Variants in NCAPG2 observed in about 807,000 individuals in gnomAD.
NCAPG2 encodes the protein condensin-2 complex subunit G2.
NCAPG2 carries 53 observed loss-of-function variants against 141.1 expected under a neutral mutation model. The ratio of observed to expected loss-of-function variants is 0.38; its 90% CI spans 0.30 to 0.47. NCAPG2 has a LOEUF of 0.47. NCAPG2 is among the 20% of genes least tolerant of loss of function. NCAPG2 has a pLI of 0.99. For synonymous variants in NCAPG2, 499 were observed against 490.7 expected (o/e 1.02, Z -0.22); for missense variants, 1,087 against 1,389.0 (o/e 0.78, Z 3.46).
chr7:158,671,388 CAG>C, intron 13 of NCAPG2, 124 bp downstream of exon 13: 1 of 1,161,722 alleles, frequency 8.6e-7, no homozygotes, highest in South Asian at 1.4e-5. Context: ...ACATTTTTGA[CAG>C]AGATAACTGG....
chr7:158,665,273 C>T (rs938296606), intron 13 of NCAPG2: 1 of 157,248 alleles, frequency 6.4e-6, no homozygotes, highest in African/African-American at 2.4e-5. Flanking sequence ...ACAGCCTAGT[C>T]TCATCTCCCC....
intron 13 of NCAPG2, among the ~76,000 whole-genome samples, chr7:158,670,427 A>G (rs1833612775): frequency 6.6e-6 from 1 of 152,064 alleles, no homozygotes; most frequent in Non-Finnish European, 1.5e-5. Flanking sequence ...TCAGCCAGAC[A>G]TGGTGGCACA....
intron 17 of NCAPG2, among the ~76,000 whole-genome samples, chr7:158,657,186 CA>C: frequency 6.6e-6 from 1 of 152,178 alleles, no homozygotes. Flanking sequence ...TTTGAAAACA[CA>C]AAGAGAAACA....
At position 158,636,097 on chromosome 7, in the gene NCAPG2, T is replaced by C. The variant is rs576695054; in HGVS notation, c.3381-4380A>G. ...TTCCTTCTTAAAGGGAGGAGCTCTTTTTTTCATCTGTGTATCATCTTAGTA... is the reference window on the plus strand; with the variant it reads ...TTCCTTCTTAAAGGGAGGAGCTCTTCTTTTCATCTGTGTATCATCTTAGTA... On this transcript the variant is annotated intron_variant, in intron 27 of 27. Transcript: ENST00000356309. Among the ~76,000 whole-genome samples, 154 of 152,312 alleles carry C rather than the reference T, an allele frequency of 1.0e-3. 1 individual carries two copies. Among genetic ancestry groups the C allele is most frequent in the South Asian group, 1.9e-3 (9 of 4,826 alleles).
Position 158,692,854 on chromosome 7 carries a change from T to C in NCAPG2, c.370A>G (p.Ile124Val), listed in dbSNP as rs1251820653. ...AAAATCAACTCACCATTTAATATAA[T>C]AACACATTCCAGTAGGGCTTCGTAG... ...ENYEALLECV[I>V]ILNGILYALP... is the part of the protein sequence containing the mutation. Residue 124 changes from isoleucine to valine, a missense_variant, in exon 4 of 28, where the codon ATT becomes GTT. Physicochemically the swap from Ile to Val is conservative, Grantham distance 29 (BLOSUM62 3). Coordinates refer to ENST00000356309, the MANE Select transcript of NCAPG2 (RefSeq NM_017760.7). The C allele has an allele frequency of 2.6e-6, 4 of 1,553,412 alleles. No homozygotes were observed. The South Asian group carries it at 4.6e-5, about 18-fold the overall frequency.
At chr7:158,643,144 A>T (rs1353729060) in intron 27 of NCAPG2, among the ~76,000 whole-genome samples, 1 of 152,088 alleles carries the variant, frequency 6.6e-6, no homozygotes, top group African/African-American at 2.4e-5. Flanking sequence ...TGTAATTTTT[A>T]ATAGAGACAG....
chr7:158,645,984 A>C (rs1830985657), intron 25 of NCAPG2, among the ~76,000 whole-genome samples: 1 of 152,230 alleles, frequency 6.6e-6, no homozygotes, highest in Non-Finnish European at 1.5e-5. Context: ...CAGGTACCAG[A>C]CATCTGCAAA....
At chr7:158,657,763 T>C (rs1389453363) in intron 17 of NCAPG2, among the ~76,000 whole-genome samples, 1 of 152,118 alleles carries the variant, frequency 6.6e-6, no homozygotes, top group Non-Finnish European at 1.5e-5. Flanking sequence ...CGTGTCTCTG[T>C]AGAAAGAAGT....
chr7:158,680,135 G>C, intron 10 of NCAPG2, 50 bp from the exon 11 acceptor site: 1 of 1,575,316 alleles, frequency 6.3e-7, no homozygotes, highest in Middle Eastern at 1.8e-4. Context: ...GTTAACATAC[G>C]AAGGCTTAAG....
intron 13 of NCAPG2, chr7:158,668,303 C>G (rs1241154808): frequency 1.1e-6 from 1 of 930,042 alleles, no homozygotes; most frequent in Non-Finnish European, 1.3e-6. Flanking sequence ...TAGGCCCTCC[C>G]TTACCCACTA....
In NCAPG2 at chr7:158,653,387, A is replaced by AATAATAAT. The variant is rs5888766; in HGVS notation, c.2747-908_2747-907insATTATTAT. ...CTCAAAAAAAAAAAAATAAAAAAAA[A>AATAATAAT]AATAATAATAATAATTAAACAAAAA... On this transcript the variant is annotated intron_variant, in intron 22 of 27. Transcript: ENST00000356309. Among the ~76,000 whole-genome samples the AATAATAAT allele has an allele frequency of 8.0e-3, 1,171 of 146,134 alleles. 10 individuals are homozygous for AATAATAAT. Among genetic ancestry groups the AATAATAAT allele is most frequent in the African/African-American group, 0.027 (1,093 of 40,024 alleles).
chr7:158,667,750 TCC>T (rs1254168171), intron 13 of NCAPG2, among the ~76,000 whole-genome samples: 1 of 47,564 alleles, frequency 2.1e-5, no homozygotes. Flanking sequence ...CCCTCCGCCC[TCC>T]CTTACCCACT....
chr7:158,669,134 T>C (rs1225749164), intron 13 of NCAPG2, among the ~76,000 whole-genome samples: 2 of 152,230 alleles, frequency 1.3e-5, no homozygotes, highest in Non-Finnish European at 2.9e-5. Flanking sequence ...TATTCCATAG[T>C]ATATATGTAC....
At chr7:158,675,413 T>A in intron 12 of NCAPG2, 64 bp downstream of exon 12, 2 of 1,379,994 alleles carry the variant, frequency 1.4e-6, no homozygotes, top group Non-Finnish European at 1.9e-6. Flanking sequence ...ATCTTTTTCT[T>A]TTCCTGTTTT....
At chr7:158,659,135 G>A (rs1832268294) in intron 16 of NCAPG2, among the ~76,000 whole-genome samples, 1 of 151,204 alleles carries the variant, frequency 6.6e-6, no homozygotes, top group South Asian at 2.1e-4. Context: ...TTCGAGAGCA[G>A]CCTGATCAAC....
intron 17 of NCAPG2, 146 bp from the exon 18 acceptor site, chr7:158,656,851 G>A: frequency 1.0e-6 from 1 of 980,606 alleles, no homozygotes; most frequent in South Asian, 1.7e-5. Context: ...CTCCAATGCA[G>A]GAATAAATAC....
chr7:158,649,078 G>A (rs1831286312), intron 24 of NCAPG2, among the ~76,000 whole-genome samples: 1 of 152,220 alleles, frequency 6.6e-6, no homozygotes, highest in African/African-American at 2.4e-5. Context: ...CAAACACAAA[G>A]CACAAGAAAG....
chr7:158,631,776 G>A (rs1829906213), intron 27 of NCAPG2, 59 bp from the exon 28 acceptor site: 7 of 1,327,564 alleles, frequency 5.3e-6, no homozygotes, highest in South Asian at 1.2e-5. Context: ...TTATCCAAAT[G>A]TACATTTTCA....
Position 158,664,197 on chromosome 7 carries a change from T to C in NCAPG2, c.1802A>G (p.Lys601Arg), listed in dbSNP as rs182340669. 23 of 1,609,626 alleles carry C rather than the reference T, an allele frequency of 1.4e-5. No homozygotes were observed. The Admixed American group carries it at 2.5e-4, about 17-fold the overall frequency. The change falls in exon 15 of 28, where the codon AAG (lysine) becomes AGG (arginine). Residue 601 changes from lysine (K) to arginine (R), a missense_variant. Physicochemically the swap from Lys to Arg is conservative, Grantham distance 26 (BLOSUM62 2). Transcript: ENST00000356309. ...TGTTCTACTCACAGTCACATTCTCC[T>C]TCTCCCTTCCGTCCTCTTCCTCCTC... ...EDEEEEDGRE[K>R]ENVTVLDKTL...
Sources: allele counts gnomAD v4.1 joint callset (sites outside exome capture counted in the v4.1 genomes callset), GRCh38; gene constraint gnomAD v4.1.1; transcripts MANE v1.5; gene names NCBI Gene and HGNC (gene_info 2026-07-23, HGNC 2026-07-21).